The following ATP8B1 variants were observed in gnomAD, a reference collection of about 807,000 sequenced individuals.
ATP8B1 encodes the protein ATPase phospholipid transporting 8B1.
A neutral mutation model predicts 149.9 loss-of-function variants in ATP8B1; 80 were observed. The ratio of observed to expected loss-of-function variants is 0.53; its 90% CI spans 0.45 to 0.64. The LOEUF (loss-of-function observed/expected upper bound fraction) is 0.64. Ranked by LOEUF, ATP8B1 falls within the 30% of genes least tolerant of loss-of-function variation. ATP8B1 has a pLI of 0.00. For synonymous variants in ATP8B1, 536 were observed against 562.8 expected (o/e 0.95, Z 0.67); for missense variants, 1,247 against 1,552.6 (o/e 0.80, Z 3.31).
chr18:57,712,118 G>T (rs918262749), intron 2 of ATP8B1, among the ~76,000 whole-genome samples: 2 of 151,440 alleles, frequency 1.3e-5, no homozygotes. Flanking sequence ...CGCACGAATT[G>T]TAATTCCCAT....
At chr18:57,797,434 T>A (rs2080525183) in intron 1 of ATP8B1, among the ~76,000 whole-genome samples, 1 of 152,204 alleles carries the variant, frequency 6.6e-6, no homozygotes, top group Non-Finnish European at 1.5e-5. Context: ...ACTGAAAGGC[T>A]GCCCAGGAAC....
chr18:57,778,424 GT>G (rs765518927), intron 1 of ATP8B1, among the ~76,000 whole-genome samples: 8 of 151,684 alleles, frequency 5.3e-5, no homozygotes, highest in Non-Finnish European at 1.2e-4. Flanking sequence ...TAGAGACGGG[GT>G]TTCACCATGT....
chr18:57,657,160 C>G (rs530178337), intron 22 of ATP8B1, among the ~76,000 whole-genome samples: 1 of 151,944 alleles, frequency 6.6e-6, no homozygotes, highest in Non-Finnish European at 1.5e-5. Context: ...TGGTTGTTCT[C>G]CAATACTTGT....
At chr18:57,746,242 C>A (rs1449565422) in intron 1 of ATP8B1, among the ~76,000 whole-genome samples, 1 of 152,062 alleles carries the variant, frequency 6.6e-6, no homozygotes, top group Non-Finnish European at 1.5e-5. Flanking sequence ...AGCAATTGCT[C>A]ATATACTGGG....
intron 3 of ATP8B1, among the ~76,000 whole-genome samples, chr18:57,705,125 T>A (rs1331810213): frequency 6.6e-6 from 1 of 152,176 alleles, no homozygotes; most frequent in African/African-American, 2.4e-5. Flanking sequence ...AAGCTTTTAA[T>A]TCTAGCCAAG....
At chr18:57,793,308 CCT>C (rs2080481105) in intron 1 of ATP8B1, among the ~76,000 whole-genome samples, 1 of 152,098 alleles carries the variant, frequency 6.6e-6, no homozygotes, top group African/African-American at 2.4e-5. Context: ...CTCTCTGTGT[CCT>C]TTCTCCTCTG....
intron 1 of ATP8B1, among the ~76,000 whole-genome samples, chr18:57,763,236 T>C (rs750193980): frequency 2.6e-5 from 4 of 151,958 alleles, no homozygotes; most frequent in African/African-American, 4.8e-5. Context: ...CTACTAAAAA[T>C]ACAAAATCAG....
chr18:57,801,310 C>G (rs1291786853), intron 1 of ATP8B1, among the ~76,000 whole-genome samples: 1 of 152,166 alleles, frequency 6.6e-6, no homozygotes, highest in Non-Finnish European at 1.5e-5. Flanking sequence ...AATGTTCCTT[C>G]CCAAAATTAT....
chr18:57,671,396 A>G, intron 17 of ATP8B1, 72 bp downstream of exon 17: 3 of 1,304,910 alleles, frequency 2.3e-6, no homozygotes, highest in Admixed American at 1.7e-5. Flanking sequence ...TACAGCTTTC[A>G]TGCAAACTTA....
At chr18:57,752,403 T>C in intron 1 of ATP8B1, among the ~76,000 whole-genome samples, 1 of 152,034 alleles carries the variant, frequency 6.6e-6, no homozygotes, top group Non-Finnish European at 1.5e-5. Context: ...GGAAAAATAT[T>C]CTTAGTAAGC....
chr18:57,701,404 A>G, intron 4 of ATP8B1, 91 bp from the exon 5 acceptor site: 2 of 1,129,742 alleles, frequency 1.8e-6, no homozygotes, highest in South Asian at 2.6e-5. Context: ...GCTAATTCCA[A>G]GTCTCATCAC....
chr18:57,793,892 T>A (rs2080486239), intron 1 of ATP8B1, among the ~76,000 whole-genome samples: 1 of 152,208 alleles, frequency 6.6e-6, no homozygotes, highest in Non-Finnish European at 1.5e-5. Flanking sequence ...ACATCACCAT[T>A]CACAGCCTAA....
intron 16 of ATP8B1, among the ~76,000 whole-genome samples, chr18:57,674,590 G>A (rs549059141): frequency 6.6e-6 from 1 of 152,014 alleles, no homozygotes; most frequent in East Asian, 1.9e-4. Flanking sequence ...GTTTCACCGT[G>A]TTAGCCAGGA....
intron 20 of ATP8B1, among the ~76,000 whole-genome samples, chr18:57,663,573 A>G (rs148182902): frequency 2.0e-3 from 306 of 152,286 alleles, no homozygotes; most frequent in African/African-American, 6.9e-3. Context: ...GGTTCCTTCA[A>G]CAATGATTGT....
intron 17 of ATP8B1, among the ~76,000 whole-genome samples, chr18:57,670,399 T>G (rs1435277228): frequency 1.3e-5 from 2 of 151,034 alleles, no homozygotes; most frequent in African/African-American, 4.9e-5. Context: ...TCGCCCAGGC[T>G]TGAGTGCAGT....
chr18:57,784,824 T>C lies in ATP8B1; in HGVS notation c.-26+18174A>G, dbSNP rs2080391455. 6.6e-6 allele frequency among the ~76,000 whole-genome samples: 1 copy of C among 152,206 alleles called. No individual in the cohort carries two copies. On this transcript the variant is annotated intron_variant, in intron 1 of 27. Coordinates refer to ENST00000648908, the MANE Select transcript of ATP8B1 (RefSeq NM_001374385.1). This position sits in a 1 kb window ranked among gnomAD's most constrained non-coding sequence, Gnocchi z 4.4. ...TAAGATACTTCTTTGTTGTAGAGGC[T>C]GAGCTGCATATTGTAGGATATTTAG...
At chr18:57,752,039 C>G (rs1354458765) in intron 1 of ATP8B1, among the ~76,000 whole-genome samples, 4 of 151,710 alleles carry the variant, frequency 2.6e-5, no homozygotes, top group African/African-American at 9.7e-5. Flanking sequence ...AACCCTATCT[C>G]TACAAAAAAA....
intron 15 of ATP8B1, 46 bp downstream of exon 15, chr18:57,683,990 C>CA (rs750619124): frequency 5.6e-6 from 9 of 1,613,348 alleles, no homozygotes; most frequent in Non-Finnish European, 7.6e-6. Context: ...TACCTGGAAA[C>CA]AAAAAACCTG....
Position 57,776,580 on chromosome 18 carries a change from A to C in ATP8B1, c.-26+26418T>G, listed in dbSNP as rs560559024. On this transcript the variant is annotated intron_variant, in intron 1 of 27. Coordinates refer to ENST00000648908, the MANE Select transcript of ATP8B1 (RefSeq NM_001374385.1). ...TGAGGTGAGAGAAAGGAGGGGAAAT[A>C]AAACAGCAAGCCCTTTTCTTTCCTC... Among the ~76,000 whole-genome samples the C allele has an allele frequency of 3.3e-5, 5 of 152,300 alleles. No individual in the cohort carries two copies. The South Asian group carries it at 1.0e-3, about 32-fold the overall frequency.
Sources: gnomAD v4.1 joint callset for allele counts (sites outside exome capture counted in the v4.1 genomes callset) on GRCh38, gnomAD v4.1.1 for gene constraint, Gnocchi (gnomAD v3.1) non-coding constraint, MANE v1.5 for transcripts, NCBI Gene and HGNC (gene_info 2026-07-23, HGNC 2026-07-21) for gene names.